The following TMEM52B variants were observed in gnomAD, a reference collection of about 807,000 sequenced individuals.
TMEM52B encodes chromosome 12 open reading frame 59.
In TMEM52B, 11 loss-of-function variants were observed where a neutral mutation model predicts 16.1. The observed-to-expected ratio is 0.68, with a 90% CI of 0.43 to 1.13. The LOEUF (loss-of-function observed/expected upper bound fraction) is 1.13. Among genes scored for constraint, TMEM52B ranks in the 50% most tolerant of loss-of-function variants. The pLI is 0.00. For synonymous variants in TMEM52B, 101 were observed against 93.8 expected, an observed-to-expected ratio of 1.08 and a Z score of -0.45; for missense variants, 243 against 230.4, an observed-to-expected ratio of 1.05 and a Z score of -0.35.
intron 1 of TMEM52B, chr12:10,172,188 G>T: frequency 1.4e-6 from 1 of 712,618 alleles, no homozygotes; most frequent in Non-Finnish European, 2.4e-6. Context: ...TCTAATAGAA[G>T]AATGACTCAA....
chr12:10,180,622 A>G (rs866489009), intron 1 of TMEM52B, among the ~76,000 whole-genome samples: 2 of 151,790 alleles, frequency 1.3e-5, no homozygotes, highest in African/African-American at 4.8e-5. Context: ...ATCCTTTCCA[A>G]CTGATAGGTC....
rs1043668302 is a variant in TMEM52B, at chr12:10,191,125, A to G, written c.*985A>G. On this transcript the variant is annotated 3_prime_UTR_variant, in exon 5 of 5. Transcript: ENST00000543484. ...GCCGCAGCACAGTGCTAATCTATCC[A>G]CAAAACATACCACCTCCCAAAGTAT... 6 of 152,270 alleles carry G rather than the reference A, an allele frequency of 3.9e-5. No homozygotes were observed. The highest frequency in any genetic ancestry group is 8.8e-5 in the Non-Finnish European group (6 of 68,030). The allele number at this position is 152,270 out of a possible 1,614,324, so 9.4% of individuals were successfully genotyped here. A position where few individuals can be genotyped will look rare whatever the true frequency, so the allele number is the denominator to read the frequency against.
chr12:10,179,921 A>G (rs1948803407), intron 1 of TMEM52B, among the ~76,000 whole-genome samples: 1 of 152,222 alleles, frequency 6.6e-6, no homozygotes, highest in Non-Finnish European at 1.5e-5. Flanking sequence ...CTCTTTTAGC[A>G]TCTTATCACC....
At chr12:10,172,657 G>A (rs1004281575) in intron 1 of TMEM52B, among the ~76,000 whole-genome samples, 2 of 152,112 alleles carry the variant, frequency 1.3e-5, no homozygotes, top group African/African-American at 4.8e-5. Context: ...GAATTTATCT[G>A]GGGCTACTAG....
chr12:10,171,291 T>C (rs1948714173), intron 1 of TMEM52B, among the ~76,000 whole-genome samples: 3 of 152,206 alleles, frequency 2.0e-5, no homozygotes, highest in African/African-American at 7.2e-5. Context: ...TATATTCTGT[T>C]CATTTTCCTC....
rs150629951 is a variant in TMEM52B at position 10,179,593 on chromosome 12, G to T, written c.19G>T (p.Val7Phe). 1.5e-3 allele frequency: 2,434 copies of T among 1,614,218 alleles called. 20 individuals are homozygous for T. The highest frequency in any genetic ancestry group is 6.0e-4 in the Non-Finnish European group (703 of 1,180,040). ...CAGCCCGATGGGAGTCCGAGTTCAT[G>T]TCGTGGCGGCCTCAGCCCTGCTGTA... MGVRVH[V>F]VAASALLYFI... Residue 7 changes from valine (V) to phenylalanine (F), a missense_variant, in exon 1 of 5, where the codon GTC becomes TTC. By Grantham distance (50) the Val-to-Phe change is conservative. Coordinates refer to ENST00000543484, the MANE Select transcript of TMEM52B (RefSeq NM_001384896.1).
chr12:10,181,127 G>A (rs916376047), intron 1 of TMEM52B, among the ~76,000 whole-genome samples: 3 of 152,002 alleles, frequency 2.0e-5, no homozygotes, highest in African/African-American at 7.2e-5. Context: ...TTTTGAAAGA[G>A]GAAGTCAACT....
rs915580165 is a variant in TMEM52B at position 10,190,781 on chromosome 12, G to C, written c.*641G>C. 6.5e-6 allele frequency: 1 copy of C among 154,038 alleles called. No individual in the cohort carries two copies. Among genetic ancestry groups the C allele is most frequent in the Admixed American group, 6.4e-5 (1 of 15,696 alleles). 9.5% of individuals were successfully genotyped at this position (154,038 alleles called of 1,614,324 possible). A position where few individuals can be genotyped will look rare whatever the true frequency, so the allele number is the denominator to read the frequency against. On this transcript the variant is annotated 3_prime_UTR_variant, in exon 5 of 5. Transcript: ENST00000543484. ...AGTATGAAAAACTCCATACTGTGCA[G>C]TCACAGTTGGATTAATTCTTCAGTT...
chr12:10,171,031 A>T (rs2634162), intron 1 of TMEM52B, among the ~76,000 whole-genome samples: 36,717 of 152,062 alleles, frequency 0.24, 5,217 homozygotes, highest in East Asian at 0.56. Context: ...TTATTGTAAA[A>T]TTCAGACCCT....
chr12:10,189,641 A>AAAG (rs1555091420), intron 4 of TMEM52B, among the ~76,000 whole-genome samples: 1 of 147,158 alleles, frequency 6.8e-6, no homozygotes, highest in Non-Finnish European at 1.5e-5. Flanking sequence ...AAAAAAAAAA[A>AAAG]AGAGAGAGAG....
rs1197454970 is a variant in TMEM52B at position 10,190,880 on chromosome 12, G to A, written c.*740G>A. 6.6e-6 allele frequency: 1 copy of A among 152,348 alleles called. No individual in the cohort carries two copies. The highest frequency in any genetic ancestry group is 1.5e-5 in the Non-Finnish European group (1 of 68,164). The allele number at this position is 152,348 out of a possible 1,614,324, so 9.4% of individuals were successfully genotyped here. A position where few individuals can be genotyped will look rare whatever the true frequency, so the allele number is the denominator to read the frequency against. ...ACCCTGTTTTAACTCTAAAGGAATA[G>A]TGTTGCTTTACTTCTTTCCTGTTTT... On this transcript the variant is annotated 3_prime_UTR_variant, in exon 5 of 5. Coordinates refer to ENST00000543484, the MANE Select transcript of TMEM52B (RefSeq NM_001384896.1).
upstream of TMEM52B, among the ~76,000 whole-genome samples, chr12:10,174,670 T>C (rs1259041071): frequency 6.6e-6 from 1 of 152,212 alleles, no homozygotes; most frequent in Non-Finnish European, 1.5e-5. Context: ...TTCCTTATAA[T>C]AAACCTATTT....
At chr12:10,172,018 A>G (rs1416827997) in intron 1 of TMEM52B, 2 of 1,613,144 alleles carry the variant, frequency 1.2e-6, no homozygotes, top group African/African-American at 1.3e-5. Context: ...CTTTTTTTCC[A>G]TTTGACTTCT....
intron 1 of TMEM52B, 85 bp from the exon 2 acceptor site, chr12:10,182,465 G>A: frequency 1.3e-6 from 2 of 1,497,086 alleles, no homozygotes. Flanking sequence ...ATCTAACACA[G>A]CACAACCATG....
At chr12:10,176,247 A>C (rs112645548), upstream of TMEM52B, among the ~76,000 whole-genome samples, 2,105 of 152,292 alleles carry the variant, frequency 0.014, 56 homozygotes, top group African/African-American at 0.047. Context: ...AGCTGCCCCA[A>C]GGCATAATCT....
At chr12:10,184,138 A>G (rs953583480) in intron 2 of TMEM52B, among the ~76,000 whole-genome samples, 1 of 152,240 alleles carries the variant, frequency 6.6e-6, no homozygotes, top group Non-Finnish European at 1.5e-5. Context: ...CAAAGGATGG[A>G]TTTGAAGAGT....
At chr12:10,179,968 G>A (rs749945535) in intron 1 of TMEM52B, among the ~76,000 whole-genome samples, 15 of 152,168 alleles carry the variant, frequency 9.9e-5, no homozygotes, top group Non-Finnish European at 1.8e-4. Context: ...TGAAAACTAG[G>A]TGTGTAATTC....
chr12:10,188,551 GAAA>G (rs1255473641), intron 4 of TMEM52B, among the ~76,000 whole-genome samples: 129 of 35,546 alleles, frequency 3.6e-3, no homozygotes, highest in East Asian at 0.014. Context: ...AGAAGAAAAA[GAAA>G]AAGAAAAAGA....
At chr12:10,182,445 T>G in intron 1 of TMEM52B, 105 bp from the exon 2 acceptor site, 1 of 1,448,946 alleles carries the variant, frequency 6.9e-7, no homozygotes, top group Non-Finnish European at 9.1e-7. Flanking sequence ...CGTGACCTTC[T>G]TACTGCTTGA....
Sources: gnomAD v4.1 joint callset for allele counts (sites outside exome capture counted in the v4.1 genomes callset) on GRCh38, gnomAD v4.1.1 for gene constraint, MANE v1.5 for transcripts, NCBI Gene and HGNC (gene_info 2026-07-23, HGNC 2026-07-21) for gene names.